Variants in PLAC1 observed in about 807,000 individuals in gnomAD.
The protein encoded by PLAC1 is placenta-specific protein 1.
For missense variants in PLAC1, 136 were observed against 163.2 expected, an observed-to-expected ratio of 0.83 and a Z score of 0.91; for synonymous variants, 68 against 62.1, an observed-to-expected ratio of 1.09 and a Z score of -0.44.
chrX:134,618,927 A>G (rs2078197934), intron 1 of PLAC1, among the ~76,000 whole-genome samples: 1 of 112,397 alleles, frequency 8.9e-6, no homozygotes, highest in South Asian at 3.7e-4. Context: ...ATCAAATAAT[A>G]CCTTATTTTA....
chrX:134,588,749 T>A (rs2078019221), intron 2 of PLAC1, among the ~76,000 whole-genome samples: 1 of 109,500 alleles, frequency 9.1e-6, no homozygotes, highest in Non-Finnish European at 1.9e-5. Flanking sequence ...TGGGGAAAAA[T>A]TTGACTGATT....
chrX:134,756,132 T>C (rs969862792), intron 1 of PLAC1, among the ~76,000 whole-genome samples: 3 of 109,983 alleles, frequency 2.7e-5, no homozygotes, highest in Non-Finnish European at 5.7e-5. Context: ...ATTACAGGCA[T>C]GAGCCACCAC....
At chrX:134,724,693 G>GT (rs1234155180) in intron 2 of PLAC1, among the ~76,000 whole-genome samples, 2 of 112,434 alleles carry the variant, frequency 1.8e-5, no homozygotes, top group Admixed American at 9.4e-5. Context: ...TGATTTATGG[G>GT]TTTTTTCTTT....
At chrX:134,681,914 C>A (rs372510540) in intron 2 of PLAC1, among the ~76,000 whole-genome samples, 3 of 111,998 alleles carry the variant, frequency 2.7e-5, no homozygotes, top group South Asian at 7.6e-4. Flanking sequence ...TGACAAGATG[C>A]TTTTTCTCCA....
At chrX:134,718,363 AT>A (rs1389870402) in intron 2 of PLAC1, among the ~76,000 whole-genome samples, 1 of 111,942 alleles carries the variant, frequency 8.9e-6, no homozygotes, top group Non-Finnish European at 1.9e-5. Context: ...GCTTCACTAA[AT>A]AACAAATTTG....
intron 2 of PLAC1, among the ~76,000 whole-genome samples, chrX:134,713,949 G>A (rs760036385): frequency 9.0e-6 from 1 of 111,675 alleles, no homozygotes; most frequent in Admixed American, 9.4e-5. Flanking sequence ...AGCTGGAACC[G>A]AATGAGAAGG....
chrX:134,680,810 G>A (rs1828939710), intron 2 of PLAC1, among the ~76,000 whole-genome samples: 1 of 111,579 alleles, frequency 9.0e-6, no homozygotes, highest in Admixed American at 9.5e-5. Context: ...GTAGTGCTGG[G>A]GCCATTTGAG....
intron 2 of PLAC1, among the ~76,000 whole-genome samples, chrX:134,567,570 A>C (rs2124343224): frequency 9.0e-6 from 1 of 110,588 alleles, no homozygotes; most frequent in South Asian, 3.9e-4. Flanking sequence ...AGCCCGGGCA[A>C]TATAGTGAGA....
intron 2 of PLAC1, among the ~76,000 whole-genome samples, chrX:134,681,517 A>G (rs1344341733): frequency 8.9e-6 from 1 of 112,168 alleles, no homozygotes; most frequent in Non-Finnish European, 1.9e-5. Flanking sequence ...CTATTTATTA[A>G]AAAGCTATGC....
intron 1 of PLAC1, among the ~76,000 whole-genome samples, chrX:134,613,994 G>A (rs1325142324): frequency 9.1e-6 from 1 of 110,123 alleles, no homozygotes; most frequent in Non-Finnish European, 1.9e-5. Flanking sequence ...GCTGACCACT[G>A]TGTGAGCCCC....
chrX:134,734,556 C>G (rs1340169300), intron 1 of PLAC1, among the ~76,000 whole-genome samples: 2 of 112,561 alleles, frequency 1.8e-5, no homozygotes, highest in East Asian at 5.5e-4. Context: ...TCACAGGCTG[C>G]TCTTCCATGG....
intron 2 of PLAC1, among the ~76,000 whole-genome samples, chrX:134,720,353 G>A (rs2078654174): frequency 8.9e-6 from 1 of 112,024 alleles, no homozygotes; most frequent in South Asian, 3.7e-4. Context: ...CTTAGTAAAT[G>A]GAATGACATT....
At chrX:134,628,796 G>A (rs1299989748) in intron 1 of PLAC1, among the ~76,000 whole-genome samples, 2 of 111,985 alleles carry the variant, frequency 1.8e-5, no homozygotes, top group East Asian at 5.6e-4. Flanking sequence ...CTGGGCATGT[G>A]TAAGAGACTC....
intron 2 of PLAC1, among the ~76,000 whole-genome samples, chrX:134,690,217 C>T (rs62599446): frequency 6.2e-5 from 7 of 112,338 alleles, no homozygotes; most frequent in Non-Finnish European, 9.4e-5. Flanking sequence ...AGAAAAGTAT[C>T]ATATCTGGGA....
intron 2 of PLAC1, among the ~76,000 whole-genome samples, chrX:134,708,791 G>C (rs990124563): frequency 2.7e-5 from 3 of 111,340 alleles, no homozygotes; most frequent in African/African-American, 6.5e-5. Flanking sequence ...GCCCACGTCG[G>C]CCTCCCAAAG....
At chrX:134,644,497 T>C (rs891744837) in intron 1 of PLAC1, among the ~76,000 whole-genome samples, 1 of 110,890 alleles carries the variant, frequency 9.0e-6, no homozygotes, top group African/African-American at 3.3e-5. Flanking sequence ...GTTTGTTACA[T>C]AGGTAAACGT....
At chrX:134,738,572 C>T (rs544000347) in intron 1 of PLAC1, among the ~76,000 whole-genome samples, 1 of 112,135 alleles carries the variant, frequency 8.9e-6, no homozygotes, top group South Asian at 3.7e-4. Flanking sequence ...CTCTCTTCCC[C>T]ACCCTCTCTG....
At chrX:134,585,175 CAAAAAAA>C (rs56343935) in intron 2 of PLAC1, among the ~76,000 whole-genome samples, 2 of 33,484 alleles carry the variant, frequency 6.0e-5, no homozygotes, top group Non-Finnish European at 9.2e-5. Context: ...ACTAAAAGTA[CAAAAAAA>C]AAAAAAAAAA....
intron 2 of PLAC1, among the ~76,000 whole-genome samples, chrX:134,687,833 T>C (rs2078523034): frequency 3.3e-5 from 2 of 60,882 alleles, no homozygotes; most frequent in Non-Finnish European, 5.7e-5. Context: ...TATATATATA[T>C]ATATATATAT....
Sources: allele counts gnomAD v4.1 joint callset (sites outside exome capture counted in the v4.1 genomes callset), GRCh38; gene constraint gnomAD v4.1.1; transcripts MANE v1.5; gene names NCBI Gene and HGNC (gene_info 2026-07-23, HGNC 2026-07-21).